Variants in CACNA2D1 observed in about 807,000 individuals in gnomAD.
CACNA2D1 encodes the protein voltage-dependent calcium channel subunit alpha-2/delta-1.
A neutral mutation model predicts 171.5 loss-of-function variants in CACNA2D1; 53 were observed. The observed-to-expected ratio is 0.31, with a 90% CI of 0.25 to 0.39. CACNA2D1 has a LOEUF of 0.39. CACNA2D1 is among the 10% of genes least tolerant of loss of function. The pLI is 1.00. For missense variants in CACNA2D1, 903 were observed against 1,299.8 expected (o/e 0.69, Z 4.69); for synonymous variants, 442 against 443.1 (o/e 1.00, Z 0.03).
At chr7:82,335,455 G>T (rs1025513358) in intron 2 of CACNA2D1, among the ~76,000 whole-genome samples, 1 of 152,168 alleles carries the variant, frequency 6.6e-6, no homozygotes, top group African/African-American at 2.4e-5. Context: ...CCAAAATATA[G>T]GTTATGTTAA....
chr7:82,321,753 T>C (rs954998984), intron 3 of CACNA2D1, among the ~76,000 whole-genome samples: 5 of 152,058 alleles, frequency 3.3e-5, no homozygotes, highest in African/African-American at 1.2e-4. Context: ...GCCAATCAAA[T>C]TTTAGTGTAC....
At chr7:82,126,999 C>G (rs554727021) in intron 5 of CACNA2D1, among the ~76,000 whole-genome samples, 1 of 152,302 alleles carries the variant, frequency 6.6e-6, no homozygotes, top group East Asian at 1.9e-4. Context: ...ATATAATACG[C>G]CTGAGTTCAT....
chr7:82,302,041 T>C (rs1813076731), intron 3 of CACNA2D1, among the ~76,000 whole-genome samples: 1 of 152,136 alleles, frequency 6.6e-6, no homozygotes, highest in Admixed American at 6.6e-5. Flanking sequence ...ATTATAGGCA[T>C]GAGCCACCGC....
chr7:82,060,025 T>G (rs1469468110), intron 10 of CACNA2D1, among the ~76,000 whole-genome samples: 1 of 99,536 alleles, frequency 1.0e-5, no homozygotes, highest in Non-Finnish European at 2.0e-5. Flanking sequence ...AGGGATAGCA[T>G]TAGGAGATAT....
chr7:82,351,723 C>T (rs1819870066), intron 1 of CACNA2D1, among the ~76,000 whole-genome samples: 2 of 151,976 alleles, frequency 1.3e-5, no homozygotes, highest in Non-Finnish European at 2.9e-5. Flanking sequence ...AGTAAATATT[C>T]TTAGTAAACA....
chr7:82,303,246 C>A (rs766919761), intron 3 of CACNA2D1, among the ~76,000 whole-genome samples: 2 of 151,926 alleles, frequency 1.3e-5, no homozygotes, highest in African/African-American at 4.8e-5. Flanking sequence ...ATCTGCCCAC[C>A]TTGGCCTCTA....
At chr7:82,365,228 TA>T (rs1040947441) in intron 1 of CACNA2D1, among the ~76,000 whole-genome samples, 5 of 151,916 alleles carry the variant, frequency 3.3e-5, no homozygotes, top group African/African-American at 9.7e-5. Context: ...TTTTGCACAT[TA>T]AAAAAAATTG....
At chr7:81,953,979 C>T (rs1186894411) in intron 38 of CACNA2D1, among the ~76,000 whole-genome samples, 1 of 152,010 alleles carries the variant, frequency 6.6e-6, no homozygotes, top group Non-Finnish European at 1.5e-5. Context: ...TTTGGGCTCC[C>T]TGTGGTGTGC....
chr7:82,195,253 G>A (rs977415904), intron 3 of CACNA2D1, among the ~76,000 whole-genome samples: 3 of 151,964 alleles, frequency 2.0e-5, no homozygotes, highest in South Asian at 2.1e-4. Context: ...CTGGGTTGAT[G>A]CGTGATGGGA....
chr7:82,415,408 C>T (rs1172891007), intron 1 of CACNA2D1, among the ~76,000 whole-genome samples: 8 of 152,032 alleles, frequency 5.3e-5, no homozygotes, highest in Admixed American at 6.6e-5. Context: ...GTGGTGGGTG[C>T]CTGTGGTCCC....
chr7:82,438,605 T>C (rs1830274486), intron 1 of CACNA2D1, among the ~76,000 whole-genome samples: 1 of 152,188 alleles, frequency 6.6e-6, no homozygotes, highest in South Asian at 2.1e-4. Flanking sequence ...AGCTACATGG[T>C]TGGCCATCAC....
intron 1 of CACNA2D1, among the ~76,000 whole-genome samples, chr7:82,420,631 T>C (rs1481940066): frequency 6.6e-6 from 1 of 152,168 alleles, no homozygotes; most frequent in African/African-American, 2.4e-5. Context: ...CTGTCTCTTA[T>C]AAAATGCTAA....
intron 6 of CACNA2D1, among the ~76,000 whole-genome samples, chr7:82,116,842 A>G (rs1789104849): frequency 6.6e-6 from 1 of 152,234 alleles, no homozygotes; most frequent in South Asian, 2.1e-4. Context: ...TCCTACAAAT[A>G]TTCGTTTAGT....
intron 38 of CACNA2D1, among the ~76,000 whole-genome samples, chr7:81,953,080 G>A (rs1467025317): frequency 6.6e-6 from 1 of 151,796 alleles, no homozygotes; most frequent in Non-Finnish European, 1.5e-5. Context: ...TTGCAGAGTG[G>A]GGGTTTCAGC....
intron 12 of CACNA2D1, chr7:82,030,001 C>A (rs1462200963): frequency 6.6e-6 from 1 of 151,702 alleles, no homozygotes; most frequent in East Asian, 1.9e-4. Context: ...TGTTAGCAGA[C>A]AAAGAGCAGG....
At chr7:82,396,966 T>C (rs1472162232) in intron 1 of CACNA2D1, among the ~76,000 whole-genome samples, 1 of 152,234 alleles carries the variant, frequency 6.6e-6, no homozygotes, top group Non-Finnish European at 1.5e-5. Context: ...AACCAATTTC[T>C]GACACTGTGA....
At chr7:82,192,749 C>CTT (rs201695555) in intron 3 of CACNA2D1, among the ~76,000 whole-genome samples, 1 of 140,676 alleles carries the variant, frequency 7.1e-6, no homozygotes, top group African/African-American at 2.6e-5. Context: ...GCAGCTGTTC[C>CTT]TTTTTTTTTT....
intron 38 of CACNA2D1, among the ~76,000 whole-genome samples, chr7:81,955,914 G>GA (rs1562770024): frequency 2.7e-5 from 3 of 111,078 alleles, no homozygotes; most frequent in East Asian, 2.6e-4. Context: ...GTGGGGGGGG[G>GA]GGGGGGTGGT....
At chr7:82,337,151 A>G (rs959078157) in intron 2 of CACNA2D1, among the ~76,000 whole-genome samples, 2 of 152,178 alleles carry the variant, frequency 1.3e-5, no homozygotes, top group African/African-American at 4.8e-5. Flanking sequence ...TTAAATACTT[A>G]ACAAAAACAA....
Sources: gnomAD v4.1 joint callset for allele counts (sites outside exome capture counted in the v4.1 genomes callset) on GRCh38, gnomAD v4.1.1 for gene constraint, MANE v1.5 for transcripts, NCBI Gene and HGNC (gene_info 2026-07-23, HGNC 2026-07-21) for gene names.